The following ANKRD36 variants were observed in gnomAD, a reference collection of about 807,000 sequenced individuals.
ANKRD36 encodes ankyrin repeat domain-containing protein 36A.
A neutral mutation model predicts 278.1 loss-of-function variants in ANKRD36; 179 were observed. That is an observed-to-expected ratio of 0.64 (90% CI 0.57 to 0.73). ANKRD36 has a LOEUF of 0.73. Ranked by LOEUF, ANKRD36 falls within the 30% of genes least tolerant of loss-of-function variation. The pLI, the probability that ANKRD36 is intolerant of heterozygous loss-of-function variation, is 0.00. For synonymous variants in ANKRD36, 320 were observed against 641.1 expected, an observed-to-expected ratio of 0.50 and a Z score of 7.57; for missense variants, 1,159 against 1,956.7, an observed-to-expected ratio of 0.59 and a Z score of 7.69.
intron 3 of ANKRD36, among the ~76,000 whole-genome samples, chr2:97,121,157 G>T (rs1316444029): frequency 1.3e-5 from 2 of 151,624 alleles, no homozygotes; most frequent in Non-Finnish European, 2.9e-5. Context: ...TAAATCCTTT[G>T]GTAATCGGGT....
intron 6 of ANKRD36, among the ~76,000 whole-genome samples, chr2:97,141,820 T>G (rs1222771419): frequency 2.0e-5 from 3 of 151,988 alleles, no homozygotes; most frequent in African/African-American, 7.2e-5. Flanking sequence ...ATTCATTAAT[T>G]GATTAATAAA....
intron 18 of ANKRD36, among the ~76,000 whole-genome samples, chr2:97,162,912 A>G (rs912370234): frequency 6.6e-6 from 1 of 152,246 alleles, no homozygotes; most frequent in Non-Finnish European, 1.5e-5. Flanking sequence ...ACAAACGAGA[A>G]ATTTCTTTCT....
intron 12 of ANKRD36, among the ~76,000 whole-genome samples, chr2:97,151,561 A>G (rs1294658585): frequency 2.0e-5 from 3 of 152,300 alleles, no homozygotes; most frequent in Non-Finnish European, 4.4e-5. Flanking sequence ...TTATTCAGCA[A>G]TACTCTAAAT....
At position 97,151,930 on chromosome 2, in the gene ANKRD36, A is replaced by C. The variant is rs1483868629; in HGVS notation, c.1153A>C (p.Ile385Leu). 5 of 1,453,592 alleles carry C rather than the reference A, an allele frequency of 3.4e-6. No individual in the cohort carries two copies. Among genetic ancestry groups the C allele is most frequent in the Non-Finnish European group, 4.7e-6 (5 of 1,073,970 alleles). The allele number at this position is 1,453,592 out of a possible 1,614,324, so 90.0% of individuals were successfully genotyped here. A position where few individuals can be genotyped will look rare whatever the true frequency, so the allele number is the denominator to read the frequency against. The stretch of plus-strand genomic sequence containing the variant: ...GAGAAAGATTATTTCTCCACGATCT[A>C]TAAAAGATGGTAAGTTATTTGAAGG... ...PKRKIISPRS[I>L]KDVLPPVEEA... Residue 385 changes from isoleucine to leucine, a missense_variant, in exon 13 of 76, where the codon ATA becomes CTA. By Grantham distance (5) the Ile-to-Leu change is conservative. Coordinates refer to ENST00000420699, the MANE Select transcript of ANKRD36 (RefSeq NM_001354587.1).
intron 56 of ANKRD36, among the ~76,000 whole-genome samples, chr2:97,210,398 T>G (rs1422244200): frequency 1.3e-5 from 2 of 151,834 alleles, no homozygotes; most frequent in African/African-American, 2.4e-5. Context: ...TGAGTAAACC[T>G]GAGTGAACTC....
intron 62 of ANKRD36, chr2:97,216,889 C>G: frequency 1.4e-6 from 1 of 705,600 alleles, no homozygotes; most frequent in East Asian, 3.2e-5. Context: ...TCACATTTGT[C>G]CTCATCACTC....
At chr2:97,210,359 A>G (rs181427796) in intron 56 of ANKRD36, among the ~76,000 whole-genome samples, 12 of 151,828 alleles carry the variant, frequency 7.9e-5, no homozygotes, top group Non-Finnish European at 1.8e-4. Context: ...AATAAGAGGA[A>G]TTCTTTTATA....
intron 20 of ANKRD36, among the ~76,000 whole-genome samples, chr2:97,165,905 T>C (rs2050517699): frequency 1.3e-5 from 2 of 152,422 alleles, no homozygotes; most frequent in East Asian, 3.8e-4. Context: ...TGTTGTCACT[T>C]AATGCTCTCA....
chr2:97,161,866 C>A (rs1229720094), intron 17 of ANKRD36, among the ~76,000 whole-genome samples: 1 of 152,230 alleles, frequency 6.6e-6, no homozygotes, highest in Admixed American at 6.5e-5. Context: ...TGTGCTGTCA[C>A]TGTATTTTAT....
intron 6 of ANKRD36, among the ~76,000 whole-genome samples, chr2:97,127,560 T>C (rs1242532809): frequency 6.6e-6 from 1 of 152,032 alleles, no homozygotes; most frequent in Admixed American, 6.6e-5. Context: ...GATTTAGTGC[T>C]GCCAATCCCC....
chr2:97,144,490 G>A, intron 8 of ANKRD36, 28 bp from the exon 9 acceptor site: 2 of 1,602,788 alleles, frequency 1.2e-6, no homozygotes, highest in South Asian at 1.1e-5. Context: ...TTACATATGA[G>A]TGATTATGTA....
chr2:97,217,456 C>T (rs2066246249), intron 64 of ANKRD36, 84 bp downstream of exon 64: 17 of 1,533,364 alleles, frequency 1.1e-5, no homozygotes, highest in Non-Finnish European at 1.5e-5. Flanking sequence ...GCAGGGTGCT[C>T]ATTGAAAATG....
intron 67 of ANKRD36, among the ~76,000 whole-genome samples, chr2:97,225,418 G>A (rs577831811): frequency 6.6e-6 from 1 of 152,076 alleles, no homozygotes; most frequent in African/African-American, 2.4e-5. Flanking sequence ...ATACCTTGCA[G>A]AATGGCACCT....
chr2:97,202,325 C>T lies in ANKRD36; in HGVS notation c.2891C>T (p.Thr964Ile). 1.9e-6 allele frequency: 3 copies of T among 1,574,932 alleles called. No individual in the cohort carries two copies. Among genetic ancestry groups the T allele is most frequent in the South Asian group, 1.2e-5 (1 of 85,926 alleles). The change falls in exon 48 of 76, where the codon ACA becomes ATA. Residue 964 changes from threonine (T) to isoleucine (I), a missense_variant. Thr to Ile is a moderately conservative substitution (Grantham distance 89). Transcript: ENST00000420699. ...SSQKPPALKG[T>I]SDEEDSVLGI... Reference sequence around the variant, plus strand: ...TTCGTTTTAAATTCCATTCAGGGTACAAGTGACGAGGAAGATTCTGTTTTG... The same window carrying T: ...TTCGTTTTAAATTCCATTCAGGGTATAAGTGACGAGGAAGATTCTGTTTTG...
intron 3 of ANKRD36, among the ~76,000 whole-genome samples, chr2:97,120,683 GA>G (rs1027510159): frequency 1.4e-4 from 21 of 150,036 alleles, no homozygotes; most frequent in African/African-American, 2.4e-4. Flanking sequence ...GCCTATTTTG[GA>G]AAAAAAAATC....
chr2:97,200,718 G>T (rs1244468586), intron 46 of ANKRD36, among the ~76,000 whole-genome samples, 193 bp downstream of exon 46: 1 of 151,856 alleles, frequency 6.6e-6, no homozygotes, highest in Non-Finnish European at 1.5e-5. Context: ...AAGATTATAC[G>T]CATCCCCACA....
chr2:97,132,229 C>G (rs1316885173), intron 6 of ANKRD36, among the ~76,000 whole-genome samples: 1 of 151,344 alleles, frequency 6.6e-6, no homozygotes, highest in Non-Finnish European at 1.5e-5. Context: ...CTTTTGATCT[C>G]AAGCAATCTT....
At chr2:97,132,216 A>G (rs923430482) in intron 6 of ANKRD36, among the ~76,000 whole-genome samples, 5 of 151,186 alleles carry the variant, frequency 3.3e-5, no homozygotes, top group African/African-American at 4.8e-5. Flanking sequence ...CTGCAGCCTC[A>G]AACTTTTGAT....
At chr2:97,200,080 C>T (rs551066877) in intron 44 of ANKRD36, among the ~76,000 whole-genome samples, 4 of 151,952 alleles carry the variant, frequency 2.6e-5, no homozygotes, top group Non-Finnish European at 4.4e-5. Flanking sequence ...GAGATTGACA[C>T]GGTTTTATTT....
Sources: gnomAD v4.1 joint callset for allele counts (sites outside exome capture counted in the v4.1 genomes callset) on GRCh38, gnomAD v4.1.1 for gene constraint, MANE v1.5 for transcripts, NCBI Gene and HGNC (gene_info 2026-07-23, HGNC 2026-07-21) for gene names.